CHCHD5: variants seen among roughly 807,000 people sequenced by gnomAD.
CHCHD5 encodes the protein coiled-coil-helix-coiled-coil-helix domain containing 5.
Under a neutral mutation model 16.0 loss-of-function variants are expected in CHCHD5, and 10 were observed. The observed-to-expected ratio is 0.63, with a 90% CI of 0.39 to 1.06. The LOEUF is 1.06. Among genes scored for constraint, CHCHD5 ranks in the 50% least tolerant of loss-of-function variants. The probability of loss-of-function intolerance (pLI) is 0.01; values close to 1 mark genes in which losing one functional copy is unlikely to be tolerated. For synonymous variants in CHCHD5, 55 were observed against 56.3 expected, an observed-to-expected ratio of 0.98 and a Z score of 0.10; for missense variants, 163 against 153.4, an observed-to-expected ratio of 1.06 and a Z score of -0.33.
At chr2:112,588,415 A>C (rs1685288022) in intron 3 of CHCHD5, 3 of 161,678 alleles carry the variant, frequency 1.9e-5, no homozygotes, top group Non-Finnish European at 2.7e-5. Flanking sequence ...TCTGGTCTAC[A>C]CAATAGCGAA....
chr2:112,586,264 C>T lies in CHCHD5; in HGVS notation c.208C>T (p.Arg70Ter), dbSNP rs755436931. ...QPFEAFEECLRQNEAAVGNCA... is the reference protein window; with the variant it reads ...QPFEAFEECL ...TTTTGAGGCCTTCGAGGAGTGTCTT[C>T]GACAGAACGAGGCAGCTGTGGGCAA... The change falls in exon 3 of 4, where the codon CGA becomes TGA. Residue 70 changes from arginine to a stop codon, truncating the protein, a stop_gained. Coordinates refer to ENST00000324913, the MANE Select transcript of CHCHD5 (RefSeq NM_032309.4). LOFTEE classifies it high-confidence loss of function. 48 of 1,614,080 alleles carry T rather than the reference C, an allele frequency of 3.0e-5. No homozygotes were observed. In the Admixed American group the frequency reaches 3.2e-4, roughly 11 times the overall value.
chr2:112,585,329 G>T (rs1685174885), intron 1 of CHCHD5, among the ~76,000 whole-genome samples: 1 of 152,190 alleles, frequency 6.6e-6, no homozygotes, highest in Non-Finnish European at 1.5e-5. Context: ...TGGAATTCTA[G>T]ATCTTTCTTC....
In CHCHD5 at chr2:112,588,971, G is replaced by A. The variant is rs941682258; in HGVS notation, c.*82G>A. 2.2e-5 allele frequency: 23 copies of A among 1,048,202 alleles called. No individual in the cohort carries two copies. The highest frequency in any genetic ancestry group is 3.3e-5 in the Non-Finnish European group (22 of 672,178). The allele number at this position is 1,048,202 out of a possible 1,614,324, so 64.9% of individuals were successfully genotyped here. A position where few individuals can be genotyped will look rare whatever the true frequency, so the allele number is the denominator to read the frequency against. ...CTGCAGAGTGGCCAGATGGAGTCCT[G>A]AGCCCTGGACATGGGCCCGGCTTTC... is the stretch of plus-strand genomic sequence containing the variant. On this transcript the variant is annotated 3_prime_UTR_variant, in exon 4 of 4. Coordinates refer to ENST00000324913, the MANE Select transcript of CHCHD5 (RefSeq NM_032309.4).
chr2:112,584,969 CTA>C, intron 1 of CHCHD5: 1 of 477,990 alleles, frequency 2.1e-6, no homozygotes, highest in Admixed American at 3.3e-5. Context: ...TTAGGGACCT[CTA>C]TGACTCCTAC....
intron 1 of CHCHD5, 61 bp from the exon 2 acceptor site, chr2:112,585,913 A>G: frequency 1.3e-6 from 2 of 1,560,106 alleles, no homozygotes. Flanking sequence ...TAAAAAAAAA[A>G]AAAAGAATTC....
chr2:112,586,516 A>T, intron 3 of CHCHD5, 151 bp downstream of exon 3: 3 of 1,550,846 alleles, frequency 1.9e-6, no homozygotes, highest in Non-Finnish European at 2.6e-6. Context: ...GAACATCATC[A>T]CTTCTTGCCC....
At chr2:112,588,745 C>A in intron 3 of CHCHD5, 121 bp from the exon 4 acceptor site, 1 of 785,658 alleles carries the variant, frequency 1.3e-6, no homozygotes, top group Non-Finnish European at 2.2e-6. Flanking sequence ...AGGTCATTGC[C>A]CAACACCCTT....
Position 112,586,093 on chromosome 2 carries a change from T to C in CHCHD5, c.122T>C (p.Ile41Thr). 6.2e-7 allele frequency: 1 copy of C among 1,614,108 alleles called. No individual in the cohort carries two copies. The highest frequency in any genetic ancestry group is 8.5e-7 in the Non-Finnish European group (1 of 1,180,020). The change falls in exon 2 of 4, where the codon ATT becomes ACT. Residue 41 changes from isoleucine to threonine, a missense_variant. Coordinates refer to ENST00000324913, the MANE Select transcript of CHCHD5 (RefSeq NM_032309.4). ...GACTGTCACTACCTTAAGATGAGCA[T>C]TGCCCAGTGCACATCCTCCCAGTGA... is the stretch of plus-strand genomic sequence containing the variant. ...QRDCHYLKMSIAQCTSSHPII... is the reference protein window; with the variant it reads ...QRDCHYLKMSTAQCTSSHPII...
rs776478251 is a variant in CHCHD5 at position 112,588,941 on chromosome 2, C to T, written c.*52C>T. The T allele has an allele frequency of 4.6e-5, 66 of 1,434,114 alleles. No individual in the cohort carries two copies. The highest frequency in any genetic ancestry group is 5.8e-5 in the Non-Finnish European group (59 of 1,017,520). 88.8% of individuals were successfully genotyped at this position (1,434,114 alleles called of 1,614,324 possible). A position where few individuals can be genotyped will look rare whatever the true frequency, so the allele number is the denominator to read the frequency against. On this transcript the variant is annotated 3_prime_UTR_variant, in exon 4 of 4. Coordinates refer to ENST00000324913, the MANE Select transcript of CHCHD5 (RefSeq NM_032309.4). ...GACATGAATGACTGCCCCCACGCCC[C>T]TCCCCTGCAGAGTGGCCAGATGGAG...
rs930678955 is a variant in CHCHD5, at chr2:112,584,619, G to C, written c.-29G>C. The C allele has an allele frequency of 6.2e-7, 1 of 1,612,074 alleles. No individual in the cohort carries two copies. The highest frequency in any genetic ancestry group is 1.3e-5 in the African/African-American group (1 of 75,062). On this transcript the variant is annotated 5_prime_UTR_variant, in exon 1 of 4. Transcript: ENST00000324913. ...CGGAAAAGGCGGGTCGTTCCCCCCG[G>C]ACAGCCCTACGCCGGCAAAGGTCTC...
intron 3 of CHCHD5, 154 bp downstream of exon 3, chr2:112,586,519 T>C: frequency 6.5e-7 from 1 of 1,550,300 alleles, no homozygotes; most frequent in Non-Finnish European, 8.7e-7. Flanking sequence ...CATCATCACT[T>C]CTTGCCCCAT....
chr2:112,586,284 G>A lies in CHCHD5; in HGVS notation c.228G>A (p.Val76=), dbSNP rs746876122. ...EECLRQNEAA[V]GNCAEHMRRF... Reference sequence around the variant, plus strand: ...GTCTTCGACAGAACGAGGCAGCTGTGGGCAACTGTGCAGAGCATATGCGCC... The same window carrying A: ...GTCTTCGACAGAACGAGGCAGCTGTAGGCAACTGTGCAGAGCATATGCGCC... Residue 76 remains valine, a synonymous_variant, in exon 3 of 4, where the codon GTG becomes GTA. Coordinates refer to ENST00000324913, the MANE Select transcript of CHCHD5 (RefSeq NM_032309.4). 2.1e-5 allele frequency: 34 copies of A among 1,614,102 alleles called. No homozygotes were observed. Among genetic ancestry groups the A allele is most frequent in the Non-Finnish European group, 2.5e-5 (30 of 1,180,044 alleles).
intron 1 of CHCHD5, 127 bp downstream of exon 1, chr2:112,584,776 G>T: frequency 1.7e-6 from 2 of 1,173,074 alleles, no homozygotes; most frequent in Admixed American, 2.0e-5. Flanking sequence ...CTGACCCTCA[G>T]GATTCAGCGC....
At position 112,584,632 on chromosome 2, in the gene CHCHD5, C is replaced by G. The variant is rs939441856; in HGVS notation, c.-16C>G. The G allele has an allele frequency of 1.2e-6, 2 of 1,611,846 alleles. No homozygotes were observed. The highest frequency in any genetic ancestry group is 8.5e-7 in the Non-Finnish European group (1 of 1,179,964). ...TCGTTCCCCCCGGACAGCCCTACGC[C>G]GGCAAAGGTCTCGAGATGTGAGTAG... On this transcript the variant is annotated 5_prime_UTR_variant, in exon 1 of 4. Coordinates refer to ENST00000324913, the MANE Select transcript of CHCHD5 (RefSeq NM_032309.4).
chr2:112,586,281 T>A lies in CHCHD5; in HGVS notation c.225T>A (p.Ala75=), dbSNP rs1451060509. Residue 75 remains alanine (A), a synonymous_variant, in exon 3 of 4, where the codon GCT becomes GCA. Coordinates refer to ENST00000324913, the MANE Select transcript of CHCHD5 (RefSeq NM_032309.4). ...FEECLRQNEA[A]VGNCAEHMRR... ...AGTGTCTTCGACAGAACGAGGCAGC[T>A]GTGGGCAACTGTGCAGAGCATATGC... 6.2e-7 allele frequency: 1 copy of A among 1,614,106 alleles called. No individual in the cohort carries two copies. The highest frequency in any genetic ancestry group is 1.3e-5 in the African/African-American group (1 of 74,936).
chr2:112,585,266 C>CT (rs1685173197), intron 1 of CHCHD5, among the ~76,000 whole-genome samples: 1 of 152,162 alleles, frequency 6.6e-6, no homozygotes, highest in South Asian at 2.1e-4. Flanking sequence ...TCTTGGAGCT[C>CT]TAAACCTCAC....
chr2:112,586,423 T>C (rs1675910894), intron 3 of CHCHD5, 58 bp downstream of exon 3: 1 of 1,611,268 alleles, frequency 6.2e-7, no homozygotes, highest in African/African-American at 1.3e-5. Context: ...TTCATCCTTC[T>C]GGTTGTTCAG....
At chr2:112,584,458 C>T, upstream of CHCHD5, 3 of 663,534 alleles carry the variant, frequency 4.5e-6, no homozygotes, top group East Asian at 5.5e-5. Context: ...CTCAGGGCGC[C>T]GCCATGACGA....
Position 112,584,661 on chromosome 2 carries a change from G to A in CHCHD5, c.2+12G>A, listed in dbSNP as rs189900042. On this transcript the variant is annotated intron_variant, in intron 1 of 3. Coordinates refer to ENST00000324913, the MANE Select transcript of CHCHD5 (RefSeq NM_032309.4). ...AAAGGTCTCGAGATGTGAGTAGTGA[G>A]AGCGCCTACCCCATACGTGCTGCCG... The A allele has an allele frequency of 8.0e-4, 1,285 of 1,613,908 alleles. 2 individuals are homozygous for A. Among genetic ancestry groups the A allele is most frequent in the Non-Finnish European group, 8.6e-4 (1,016 of 1,179,922 alleles).
Sources: gnomAD v4.1 joint callset for allele counts (sites outside exome capture counted in the v4.1 genomes callset) on GRCh38, gnomAD v4.1.1 for gene constraint, MANE v1.5 for transcripts, NCBI Gene and HGNC (gene_info 2026-07-23, HGNC 2026-07-21) for gene names.